The following AP3B2 variants were observed in gnomAD, a reference collection of about 807,000 sequenced individuals.
AP3B2 encodes AP-3 complex subunit beta-2.
AP3B2 carries 50 observed loss-of-function variants against 126.9 expected under a neutral mutation model. The ratio of observed to expected loss-of-function variants is 0.39; its 90% CI spans 0.31 to 0.50. AP3B2 has a LOEUF of 0.50. Among genes scored for constraint, AP3B2 ranks in the 20% least tolerant of loss-of-function variants. AP3B2 has a pLI of 0.79. For synonymous variants in AP3B2, 541 were observed against 565.0 expected (o/e 0.96, Z 0.60); for missense variants, 1,177 against 1,426.4 (o/e 0.83, Z 2.82).
chr15:82,659,576 T>G lies in AP3B2; in HGVS notation c.3290A>C (p.Gln1097Pro). The change falls in exon 27 of 27, where the codon CAG becomes CCG. Residue 1097 changes from glutamine to proline, a missense_variant. Physicochemically the swap from Gln to Pro is moderately conservative, Grantham distance 76 (BLOSUM62 -1). This residue lies in a region of AP3B2 where 587 missense variants were observed against 571.3 expected (regional missense o/e 1.03). Coordinates refer to ENST00000535359, the MANE Select transcript of AP3B2 (RefSeq NM_001278512.2). ...ATTTGGAAGTCACTGGGTCAGAGCC[T>G]GTATCACATCCTTTACCAGCATGGT... ...IGTMLVKDVI[Q>P]ALTQ The G allele has an allele frequency of 6.2e-7, 1 of 1,613,904 alleles. No individual in the cohort carries two copies. Among genetic ancestry groups the G allele is most frequent in the Non-Finnish European group, 8.5e-7 (1 of 1,179,872 alleles).
intron 1 of AP3B2, among the ~76,000 whole-genome samples, chr15:82,691,165 G>C (rs1440794871): frequency 3.9e-5 from 6 of 152,148 alleles, no homozygotes; most frequent in Admixed American, 3.3e-4. Context: ...TCTAGTTCTA[G>C]ATCCTTGAGG....
At chr15:82,674,002 AC>A (rs1208457950) in intron 14 of AP3B2, among the ~76,000 whole-genome samples, 2 of 151,334 alleles carry the variant, frequency 1.3e-5, no homozygotes, top group East Asian at 1.9e-4. Flanking sequence ...TTGATTACCA[AC>A]CCCCCCATCC....
At position 82,665,447 on chromosome 15, in the gene AP3B2, C is replaced by G. The variant is rs1251866769; in HGVS notation, c.1971+10G>C. 6.3e-7 allele frequency: 1 copy of G among 1,598,466 alleles called. No individual in the cohort carries two copies. Among genetic ancestry groups the G allele is most frequent in the Admixed American group, 1.7e-5 (1 of 59,784 alleles). On this transcript the variant is annotated intron_variant, in intron 16 of 26. Transcript: ENST00000535359. This position sits in a 1 kb window ranked among gnomAD's most constrained non-coding sequence, Gnocchi z 4.4. Reference sequence around the variant, plus strand: ...CACACACACACACTTCAACCCTCCACCCCGCTGACCTCCACGTTGCGCACA... The same window carrying G: ...CACACACACACACTTCAACCCTCCAGCCCGCTGACCTCCACGTTGCGCACA...
At chr15:82,679,952 A>G (rs2048305199) in intron 9 of AP3B2, among the ~76,000 whole-genome samples, 152 bp from the exon 10 acceptor site, 1 of 152,004 alleles carries the variant, frequency 6.6e-6, no homozygotes, top group African/African-American at 2.4e-5. Flanking sequence ...TCCATCTCAG[A>G]TCTGACTAGC....
At chr15:82,697,195 G>T (rs140207494) in intron 1 of AP3B2, among the ~76,000 whole-genome samples, 1,673 of 152,224 alleles carry the variant, frequency 0.011, 21 homozygotes, top group Middle Eastern at 0.051. Context: ...TTAGCCGGGT[G>T]TGGTGGCGGG....
rs1383048657 is a variant in AP3B2 at position 82,663,988 on chromosome 15, G to A, written c.2262-13C>T. 1 of 1,599,024 alleles carries A rather than the reference G, an allele frequency of 6.3e-7. No individual in the cohort carries two copies. The highest frequency in any genetic ancestry group is 8.5e-7 in the Non-Finnish European group (1 of 1,178,414). ...CTCACTCTGTTCACTGAAGGAGTGG[G>A]AAAGGTTGGCTCAGGCCTGGCCTGG... On this transcript the variant is annotated splice_polypyrimidine_tract_variant and intron_variant, in intron 19 of 26. Transcript: ENST00000535359.
At chr15:82,697,582 C>T (rs754400426) in intron 1 of AP3B2, among the ~76,000 whole-genome samples, 3 of 152,150 alleles carry the variant, frequency 2.0e-5, no homozygotes, top group Non-Finnish European at 2.9e-5. Flanking sequence ...GAGTACCTGA[C>T]GTCAGACAAG....
At chr15:82,683,815 G>A (rs1401815467) in intron 4 of AP3B2, among the ~76,000 whole-genome samples, 1 of 152,194 alleles carries the variant, frequency 6.6e-6, no homozygotes, top group East Asian at 1.9e-4. Flanking sequence ...TCCATAGGCT[G>A]CAGAACTGAT....
At position 82,663,856 on chromosome 15, in the gene AP3B2, A is replaced by T; in HGVS notation, c.2381T>A (p.Met794Lys). 6.2e-7 allele frequency: 1 copy of T among 1,613,868 alleles called. No individual in the cohort carries two copies. Residue 794 changes from methionine to lysine, a missense_variant, in exon 20 of 27, where the codon ATG (methionine) becomes AAG (lysine). By Grantham distance (95) the Met-to-Lys change is moderately conservative. Around this residue, in one of 5 missense-constraint regions of AP3B2, gnomAD observed 587 missense variants for 571.3 expected, o/e 1.03. Transcript: ENST00000535359. Reference protein sequence around the residue: ...DSSSSSSESEMTSESEEEQLE... With the variant: ...DSSSSSSESEKTSESEEEQLE... ...CTGCTCCTCCTCGGACTCCGATGTC[A>T]TCTCGGACTCTGATGAGCTACTGCT...
chr15:82,665,376 A>AAC lies in AP3B2; in HGVS notation c.1972-75_1972-74dup, dbSNP rs60428596. 12,056 of 1,244,174 alleles carry AAC rather than the reference A, an allele frequency of 9.7e-3. 110 individuals carry two copies. The highest frequency in any genetic ancestry group is 0.028 in the African/African-American group (1,601 of 57,650). 77.1% of individuals were successfully genotyped at this position (1,244,174 alleles called of 1,614,324 possible). ...GGGCTCCCTACTGTCTGCCCCCACC[A>AAC]ACACACACACACACACACACACACA... On this transcript the variant is annotated intron_variant, in intron 16 of 26. Coordinates refer to ENST00000535359, the MANE Select transcript of AP3B2 (RefSeq NM_001278512.2). This position sits in a 1 kb window ranked among gnomAD's most constrained non-coding sequence, Gnocchi z 4.4.
At chr15:82,697,832 G>C (rs1010938250) in intron 1 of AP3B2, 1 of 152,214 alleles carries the variant, frequency 6.6e-6, no homozygotes, top group Non-Finnish European at 1.5e-5. Context: ...GTCAGGCCAG[G>C]GCCAGAAGAC....
At chr15:82,706,736 A>G (rs927360755) in intron 1 of AP3B2, among the ~76,000 whole-genome samples, 2 of 152,116 alleles carry the variant, frequency 1.3e-5, no homozygotes, top group Non-Finnish European at 2.9e-5. Context: ...TTCTTTCGTC[A>G]TTTCATAACC....
chr15:82,694,384 C>A (rs1327518369), intron 1 of AP3B2, among the ~76,000 whole-genome samples: 1 of 151,734 alleles, frequency 6.6e-6, no homozygotes, highest in African/African-American at 2.4e-5. Context: ...TTCCTAGAAC[C>A]ACCATAACAA....
At chr15:82,692,448 G>C (rs888027946) in intron 1 of AP3B2, 1 of 345,636 alleles carries the variant, frequency 2.9e-6, no homozygotes, top group African/African-American at 2.2e-5. Flanking sequence ...GTGGGAACGA[G>C]AAGCAATTGT....
In AP3B2 at chr15:82,662,926, G is replaced by C; in HGVS notation, c.2605-4C>G. 1 of 1,610,596 alleles carries C rather than the reference G, an allele frequency of 6.2e-7. No individual in the cohort carries two copies. ...CACCCGATACTGGACTCAGAAGCTAGAGTGGAGGGGTAGGGAAGGACAGAA... is the reference window on the plus strand; with the variant it reads ...CACCCGATACTGGACTCAGAAGCTACAGTGGAGGGGTAGGGAAGGACAGAA... On this transcript the variant is annotated splice_region_variant and splice_polypyrimidine_tract_variant and intron_variant, in intron 22 of 26. Transcript: ENST00000535359.
rs1347604925 is a variant in AP3B2, at chr15:82,678,134, T to C, written c.1216A>G (p.Asn406Asp). 6.2e-7 allele frequency: 1 copy of C among 1,613,816 alleles called. No individual in the cohort carries two copies. The highest frequency in any genetic ancestry group is 8.5e-7 in the Non-Finnish European group (1 of 1,179,884). The change falls in exon 11 of 27, where the codon AAC (asparagine) becomes GAC (aspartate). Residue 406 changes from asparagine to aspartate, a missense_variant. Around this residue, in one of 5 missense-constraint regions of AP3B2, gnomAD observed 308 missense variants for 452.4 expected, o/e 0.68. Coordinates refer to ENST00000535359, the MANE Select transcript of AP3B2 (RefSeq NM_001278512.2). ...AATTCCCGTAGGACAGTAGGAATGT[T>C]GGTCTCATTGGCCAGGTTGGTCAGC... ...EVLTNLANETNIPTVLREFQT... is the reference protein window; with the variant it reads ...EVLTNLANETDIPTVLREFQT...
chr15:82,679,668 TTGAG>T (rs151317499), intron 10 of AP3B2, 57 bp downstream of exon 10: 57,916 of 1,502,334 alleles, frequency 0.039, 1,660 homozygotes, highest in African/African-American at 0.12. Flanking sequence ...TGTGAGTTAT[TTGAG>T]TGGGTACATG....
Position 82,662,749 on chromosome 15 carries a change from A to C in AP3B2, c.2778T>G (p.His926Gln). Residue 926 changes from histidine (H) to glutamine (Q), a missense_variant, in exon 23 of 27, where the codon CAT becomes CAG. Physicochemically the swap from His to Gln is conservative, Grantham distance 24. Coordinates refer to ENST00000535359, the MANE Select transcript of AP3B2 (RefSeq NM_001278512.2). ...CAGCAGGCAGTTTGGGAGTGCCCAC[A>C]TGCAGGCCCTTGATGGGGGTATCAG... is the stretch of plus-strand genomic sequence containing the variant. The part of the protein sequence containing the change: ...NSSDTPIKGL[H>Q]VGTPKLPAGI... 1 of 1,613,920 alleles carries C rather than the reference A, an allele frequency of 6.2e-7. No individual in the cohort carries two copies. Among genetic ancestry groups the C allele is most frequent in the Non-Finnish European group, 8.5e-7 (1 of 1,179,856 alleles).
At position 82,666,777 on chromosome 15, in the gene AP3B2, G is replaced by T. The variant is rs1413974963; in HGVS notation, c.1822C>A (p.Pro608Thr). Residue 608 changes from proline to threonine, a missense_variant, in exon 15 of 27, where the codon CCA becomes ACA. By Grantham distance (38) the Pro-to-Thr change is conservative (BLOSUM62 -1). Coordinates refer to ENST00000535359, the MANE Select transcript of AP3B2 (RefSeq NM_001278512.2). ...HAKKLFLAPK[P>T]APVLESSFKD... Reference sequence around the variant, plus strand: ...AAGGATGACTCCAAGACTGGAGCTGGTTTGGGTGCCAGGAAGAGCTTCTTG... The same window carrying T: ...AAGGATGACTCCAAGACTGGAGCTGTTTTGGGTGCCAGGAAGAGCTTCTTG... 6.2e-7 allele frequency: 1 copy of T among 1,613,990 alleles called. No individual in the cohort carries two copies. The highest frequency in any genetic ancestry group is 1.7e-5 in the Admixed American group (1 of 60,024).
Sources: gnomAD v4.1 joint callset for allele counts (sites outside exome capture counted in the v4.1 genomes callset) on GRCh38, gnomAD v4.1.1 for gene constraint, gnomAD v4.1.1 regional missense constraint, Gnocchi (gnomAD v3.1) non-coding constraint, MANE v1.5 for transcripts, NCBI Gene and HGNC (gene_info 2026-07-23, HGNC 2026-07-21) for gene names.